FILIP1L: variants seen among roughly 807,000 people sequenced by gnomAD.
FILIP1L encodes filamin A-interacting protein 1-like.
In FILIP1L, 55 loss-of-function variants were observed where a neutral mutation model predicts 96.6. That is an observed-to-expected ratio of 0.57 (90% CI 0.46 to 0.71). The LOEUF (loss-of-function observed/expected upper bound fraction) is 0.71, where lower values mean the gene tolerates loss of function less well. Among genes scored for constraint, FILIP1L ranks in the 30% least tolerant of loss-of-function variants. The pLI, the probability that FILIP1L is intolerant of heterozygous loss-of-function variation, is 0.00. For synonymous variants in FILIP1L, 467 were observed against 473.9 expected, an observed-to-expected ratio of 0.99 and a Z score of 0.19; for missense variants, 1,304 against 1,321.2, an observed-to-expected ratio of 0.99 and a Z score of 0.20.
intron 1 of FILIP1L, among the ~76,000 whole-genome samples, chr3:100,067,871 G>A (rs2065693444): frequency 6.6e-6 from 1 of 152,118 alleles, no homozygotes; most frequent in Admixed American, 6.5e-5. Context: ...GGGAAGCACA[G>A]TAGAGAAGCA....
At chr3:100,105,349 A>G (rs771833954) in intron 1 of FILIP1L, among the ~76,000 whole-genome samples, 1 of 152,168 alleles carries the variant, frequency 6.6e-6, no homozygotes, top group Non-Finnish European at 1.5e-5. Flanking sequence ...TGGACTAGTA[A>G]TATCTTTTTA....
intron 1 of FILIP1L, among the ~76,000 whole-genome samples, chr3:99,992,355 T>G (rs1709549430): frequency 6.6e-6 from 1 of 152,160 alleles, no homozygotes; most frequent in African/African-American, 2.4e-5. Context: ...TCTTTAATAA[T>G]AGCCATTCTG....
At chr3:99,912,269 A>G (rs890162016) in intron 4 of FILIP1L, among the ~76,000 whole-genome samples, 4 of 152,224 alleles carry the variant, frequency 2.6e-5, no homozygotes, top group Non-Finnish European at 4.4e-5. Flanking sequence ...GTATGATTCC[A>G]TTTATGTGAA....
rs1479180005 is a variant in FILIP1L, at chr3:99,931,036, A to G, written c.-10-6T>C. On this transcript the variant is annotated splice_region_variant and splice_polypyrimidine_tract_variant and intron_variant, in intron 1 of 5. Transcript: ENST00000477258. Reference sequence around the variant, plus strand: ...TGGAACGCATTCTTTAAAGCCTGGAAGGAGGGAAGAAAATTTGTAAAGCTT... The same window carrying G: ...TGGAACGCATTCTTTAAAGCCTGGAGGGAGGGAAGAAAATTTGTAAAGCTT... The G allele has an allele frequency of 6.2e-7, 1 of 1,608,112 alleles. No individual in the cohort carries two copies. The highest frequency in any genetic ancestry group is 1.3e-5 in the African/African-American group (1 of 74,348).
chr3:100,080,403 T>C (rs973987377), intron 1 of FILIP1L, among the ~76,000 whole-genome samples: 1 of 152,180 alleles, frequency 6.6e-6, no homozygotes, highest in Non-Finnish European at 1.5e-5. Flanking sequence ...CAGACTTTAG[T>C]GAGCATAACA....
intron 1 of FILIP1L, among the ~76,000 whole-genome samples, chr3:100,015,947 C>T (rs996533419): frequency 6.6e-6 from 1 of 152,134 alleles, no homozygotes; most frequent in African/African-American, 2.4e-5. Flanking sequence ...TAATCAAATT[C>T]ACAAAAAGAC....
intron 4 of FILIP1L, among the ~76,000 whole-genome samples, chr3:99,861,969 A>G (rs1370781194): frequency 6.6e-6 from 1 of 152,160 alleles, no homozygotes; most frequent in African/African-American, 2.4e-5. Context: ...GTTGTTCTGA[A>G]GATTAATAAA....
intron 1 of FILIP1L, among the ~76,000 whole-genome samples, chr3:99,934,396 T>C (rs138192336): frequency 1.4e-4 from 21 of 152,362 alleles, no homozygotes; most frequent in African/African-American, 4.8e-4. Flanking sequence ...TTTACTTCTT[T>C]TCATTTCCTG....
At position 100,005,833 on chromosome 3, in the gene FILIP1L, A is replaced by T. The variant is rs561948473; in HGVS notation, c.-10-74803T>A. Among the ~76,000 whole-genome samples the T allele has an allele frequency of 1.2e-4, 18 of 152,304 alleles. No homozygotes were observed. The South Asian group carries it at 3.5e-3, about 30-fold the overall frequency. On this transcript the variant is annotated intron_variant, in intron 1 of 5. Transcript: ENST00000477258. ...AGAGAGGAAAGAACTGAAAGGAGAG[A>T]ACTTGGAAGAAGCTTTCTTTGGCTT...
intron 4 of FILIP1L, among the ~76,000 whole-genome samples, chr3:99,923,913 C>A (rs1395257707): frequency 6.6e-6 from 1 of 152,194 alleles, no homozygotes; most frequent in Admixed American, 6.5e-5. Context: ...CTTATTTCAC[C>A]CCTTGCCATG....
intron 1 of FILIP1L, among the ~76,000 whole-genome samples, chr3:100,051,763 C>T (rs1232702354): frequency 2.0e-5 from 3 of 151,408 alleles, no homozygotes; most frequent in Non-Finnish European, 4.4e-5. Context: ...CATTGTTGGA[C>T]ATTTGGCTTG....
chr3:100,026,288 G>C (rs1211138954), intron 1 of FILIP1L, among the ~76,000 whole-genome samples: 1 of 152,122 alleles, frequency 6.6e-6, no homozygotes, highest in Non-Finnish European at 1.5e-5. Flanking sequence ...GCTGCCATGA[G>C]TATATGGTAG....
At chr3:99,928,831 G>A (rs1042533755) in intron 3 of FILIP1L, among the ~76,000 whole-genome samples, 1 of 152,284 alleles carries the variant, frequency 6.6e-6, no homozygotes, top group East Asian at 1.9e-4. Context: ...TGCAGCTCTG[G>A]TTCCTTTTGT....
At chr3:99,869,407 G>A (rs1349003721) in intron 4 of FILIP1L, among the ~76,000 whole-genome samples, 2 of 152,142 alleles carry the variant, frequency 1.3e-5, no homozygotes, top group Non-Finnish European at 2.9e-5. Context: ...AATAATATGC[G>A]ACTTCAAACA....
chr3:100,085,492 C>T (rs904072908), intron 1 of FILIP1L, among the ~76,000 whole-genome samples: 1 of 152,190 alleles, frequency 6.6e-6, no homozygotes, highest in Non-Finnish European at 1.5e-5. Context: ...ATCCAAAGTT[C>T]CTTTGCTTTT....
chr3:99,921,594 A>G (rs1559688691), intron 4 of FILIP1L, among the ~76,000 whole-genome samples: 1 of 152,198 alleles, frequency 6.6e-6, no homozygotes, highest in Non-Finnish European at 1.5e-5. Flanking sequence ...ATAGAAATAG[A>G]TGAATATTCT....
chr3:100,060,912 T>C (rs528362426), intron 1 of FILIP1L, among the ~76,000 whole-genome samples: 102 of 152,238 alleles, frequency 6.7e-4, no homozygotes, highest in African/African-American at 2.3e-3. Flanking sequence ...GCCATACAGA[T>C]CTATCAATGG....
chr3:99,890,655 G>A (rs565965269), intron 4 of FILIP1L, among the ~76,000 whole-genome samples: 3 of 150,276 alleles, frequency 2.0e-5, no homozygotes, highest in East Asian at 1.9e-4. Context: ...ATTTCCCAAA[G>A]TTTCTATTTG....
intron 1 of FILIP1L, among the ~76,000 whole-genome samples, chr3:100,076,401 A>C (rs2065851306): frequency 6.6e-6 from 1 of 152,166 alleles, no homozygotes; most frequent in South Asian, 2.1e-4. Flanking sequence ...CCACCCGCCC[A>C]ACACCCTTCT....
Sources: gnomAD v4.1 joint callset for allele counts (sites outside exome capture counted in the v4.1 genomes callset) on GRCh38, gnomAD v4.1.1 for gene constraint, MANE v1.5 for transcripts, NCBI Gene and HGNC (gene_info 2026-07-23, HGNC 2026-07-21) for gene names.